The following ELL2 variants were observed in gnomAD, a reference collection of about 807,000 sequenced individuals.
The protein encoded by ELL2 is RNA polymerase II elongation factor ELL2.
In ELL2, 21 loss-of-function variants were observed where a neutral mutation model predicts 72.8. The observed-to-expected ratio is 0.29, with a 90% CI of 0.20 to 0.42. The LOEUF is 0.42. Among genes scored for constraint, ELL2 ranks in the 10% least tolerant of loss-of-function variants. The pLI, the probability that ELL2 is intolerant of heterozygous loss-of-function variation, is 1.00. For missense variants in ELL2, 568 were observed against 772.8 expected (o/e 0.73, Z 3.14); for synonymous variants, 266 against 283.2 (o/e 0.94, Z 0.61).
At chr5:95,951,404 TAAATCAA>T (rs1232622642) in intron 1 of ELL2, among the ~76,000 whole-genome samples, 1 of 145,532 alleles carries the variant, frequency 6.9e-6, no homozygotes, top group Non-Finnish European at 1.5e-5. Context: ...AATAAATAAA[TAAATCAA>T]CAACACTTGA....
chr5:95,926,848 A>G (rs1750298023), intron 2 of ELL2, among the ~76,000 whole-genome samples: 1 of 152,204 alleles, frequency 6.6e-6, no homozygotes, highest in Non-Finnish European at 1.5e-5. Flanking sequence ...CAAATACACA[A>G]TAACATCGAT....
At chr5:95,955,643 T>C (rs771165195) in intron 1 of ELL2, among the ~76,000 whole-genome samples, 39 of 152,218 alleles carry the variant, frequency 2.6e-4, no homozygotes, top group Non-Finnish European at 5.1e-4. Flanking sequence ...ATTTATTATA[T>C]TCTACTCCAG....
intron 4 of ELL2, among the ~76,000 whole-genome samples, chr5:95,911,209 A>G (rs898180871): frequency 1.3e-5 from 2 of 152,326 alleles, no homozygotes; most frequent in East Asian, 1.9e-4. Flanking sequence ...AGAGCTGGCA[A>G]TGGATAAGGT....
rs772374807 is a variant in ELL2, at chr5:95,898,506, C to T, written c.1259G>A (p.Ser420Asn). Residue 420 changes from serine to asparagine, a missense_variant, in exon 8 of 12, where the codon AGT becomes AAT. Physicochemically the swap from Ser to Asn is conservative, Grantham distance 46. Around this residue, in one of 2 missense-constraint regions of ELL2, gnomAD observed 511 missense variants for 728.4 expected, o/e 0.70. Coordinates refer to ENST00000237853, the MANE Select transcript of ELL2 (RefSeq NM_012081.6). ...TTTGTCTTGCTGGTCCTCATAGATA[C>T]TATCGTTTTGACTAAAACTGTCAAC... The part of the protein sequence containing the change: ...LPVDSFSQND[S>N]IYEDQQDKYT... 1.9e-6 allele frequency: 3 copies of T among 1,614,124 alleles called. No individual in the cohort carries two copies. Among genetic ancestry groups the T allele is most frequent in the Admixed American group, 1.7e-5 (1 of 60,014 alleles).
chr5:95,889,180 T>G (rs1748568925), intron 10 of ELL2, 50 bp from the exon 11 acceptor site: 2 of 1,418,742 alleles, frequency 1.4e-6, no homozygotes, highest in South Asian at 2.4e-5. Context: ...CTTTTGTGTG[T>G]GGCAATACAA....
chr5:95,960,668 CG>C (rs1751801038), intron 1 of ELL2, among the ~76,000 whole-genome samples: 2 of 152,136 alleles, frequency 1.3e-5, no homozygotes, highest in South Asian at 4.2e-4. Flanking sequence ...CCCAAGACGC[CG>C]GGAGCTTTTT....
chr5:95,953,865 A>C (rs1415451738), intron 1 of ELL2, among the ~76,000 whole-genome samples: 1 of 152,228 alleles, frequency 6.6e-6, no homozygotes, highest in African/African-American at 2.4e-5. Context: ...ACGTTTCATT[A>C]ATCAATAGGA....
intron 2 of ELL2, among the ~76,000 whole-genome samples, chr5:95,924,861 G>T (rs1459455540): frequency 1.3e-5 from 2 of 152,194 alleles, no homozygotes; most frequent in Non-Finnish European, 2.9e-5. Context: ...TGGGATACAA[G>T]CTCAGGCATG....
chr5:95,928,609 T>TA (rs1228370754), intron 2 of ELL2, among the ~76,000 whole-genome samples: 1 of 152,190 alleles, frequency 6.6e-6, no homozygotes, highest in African/African-American at 2.4e-5. Flanking sequence ...TCGTAAGACT[T>TA]ACTGCTTTTT....
At chr5:95,932,466 T>C (rs1750634380) in intron 2 of ELL2, among the ~76,000 whole-genome samples, 1 of 152,206 alleles carries the variant, frequency 6.6e-6, no homozygotes, top group South Asian at 2.1e-4. Flanking sequence ...TATGGGTAAT[T>C]AAGGTAATTA....
intron 1 of ELL2, among the ~76,000 whole-genome samples, chr5:95,954,596 CTTTTTTTTTTTT>C (rs1169301940): frequency 2.8e-5 from 3 of 105,868 alleles, no homozygotes; most frequent in East Asian, 5.8e-4. Context: ...TTTTTTTTTT[CTTTTTTTTTTTT>C]TTTTTTGTAT....
intron 1 of ELL2, among the ~76,000 whole-genome samples, chr5:95,948,327 G>A (rs1751246425): frequency 6.6e-6 from 1 of 151,204 alleles, no homozygotes; most frequent in Non-Finnish European, 1.5e-5. Context: ...CTACTCGGGA[G>A]GCTGAGGCAG....
intron 8 of ELL2, among the ~76,000 whole-genome samples, chr5:95,897,754 T>C (rs946330008): frequency 6.6e-6 from 1 of 152,246 alleles, no homozygotes; most frequent in Admixed American, 6.5e-5. Context: ...GTTATGAATC[T>C]GCAAATGAAA....
At chr5:95,889,891 G>C (rs543240925) in intron 10 of ELL2, among the ~76,000 whole-genome samples, 2 of 137,858 alleles carry the variant, frequency 1.5e-5, no homozygotes, top group African/African-American at 5.3e-5. Flanking sequence ...ATTGGTGAGG[G>C]GGGGAGTCAG....
intron 2 of ELL2, among the ~76,000 whole-genome samples, chr5:95,921,472 C>T (rs1750083571): frequency 6.6e-6 from 1 of 152,110 alleles, no homozygotes; most frequent in African/African-American, 2.4e-5. Flanking sequence ...CTTTAATTCC[C>T]AAAACTTTCC....
At chr5:95,938,502 T>C (rs1750857350) in intron 2 of ELL2, among the ~76,000 whole-genome samples, 1 of 152,202 alleles carries the variant, frequency 6.6e-6, no homozygotes. Context: ...GTCAGGAGTA[T>C]TGCTTGAAGC....
chr5:95,889,068 A>G lies in ELL2; in HGVS notation c.1806+18T>C, dbSNP rs1176928261. 6 of 1,607,086 alleles carry G rather than the reference A, an allele frequency of 3.7e-6. No individual in the cohort carries two copies. In the East Asian group the frequency reaches 1.1e-4, roughly 30 times the overall value. On this transcript the variant is annotated intron_variant, in intron 11 of 11. Transcript: ENST00000237853. ...TTTTTCAACCACAGGTCAGAAAATC[A>G]ACAGTGATGATACCTACCTGCTTTA... is the stretch of plus-strand genomic sequence containing the variant.
In ELL2 at chr5:95,931,914, A is replaced by G. The variant is rs538342483; in HGVS notation, c.195+11088T>C. 6.9e-4 allele frequency among the ~76,000 whole-genome samples: 104 copies of G among 150,894 alleles called. 1 individual carries two copies. The highest frequency in any genetic ancestry group is 1.9e-3 in the African/African-American group (80 of 41,390). On this transcript the variant is annotated intron_variant, in intron 2 of 11. Coordinates refer to ENST00000237853, the MANE Select transcript of ELL2 (RefSeq NM_012081.6). ...ATTAAGGGTTCTCATGGGAATCACA[A>G]CTTTATGACTCTAAAGCATTCAATC...
At chr5:95,904,513 C>T (rs560336060) in intron 5 of ELL2, among the ~76,000 whole-genome samples, 6 of 152,214 alleles carry the variant, frequency 3.9e-5, no homozygotes, top group South Asian at 2.1e-4. Context: ...CAAATTTTAC[C>T]GGGAGCCAAC....
Sources: gnomAD v4.1 joint callset for allele counts (sites outside exome capture counted in the v4.1 genomes callset) on GRCh38, gnomAD v4.1.1 for gene constraint, gnomAD v4.1.1 regional missense constraint, MANE v1.5 for transcripts, NCBI Gene and HGNC (gene_info 2026-07-23, HGNC 2026-07-21) for gene names.